The following RSPRY1 variants were observed in gnomAD, a reference collection of about 807,000 sequenced individuals.
The protein encoded by RSPRY1 is RING finger and SPRY domain-containing protein 1.
Under a neutral mutation model 73.1 loss-of-function variants are expected in RSPRY1, and 23 were observed. The ratio of observed to expected loss-of-function variants is 0.31; its 90% CI spans 0.23 to 0.45. The LOEUF is 0.45. Among genes scored for constraint, RSPRY1 ranks in the 20% least tolerant of loss-of-function variants. RSPRY1 has a pLI of 1.00. For synonymous variants in RSPRY1, 226 were observed against 251.4 expected (o/e 0.90, Z 0.95); for missense variants, 448 against 698.7 (o/e 0.64, Z 4.05).
chr16:57,200,821 G>A (rs554538603), intron 1 of RSPRY1, among the ~76,000 whole-genome samples: 3 of 144,912 alleles, frequency 2.1e-5, no homozygotes, highest in South Asian at 2.2e-4. Flanking sequence ...CGGACGGGGC[G>A]GCTGGCTGGG....
chr16:57,224,021 C>T (rs1287365661), intron 10 of RSPRY1, among the ~76,000 whole-genome samples: 1 of 152,184 alleles, frequency 6.6e-6, no homozygotes, highest in Non-Finnish European at 1.5e-5. Flanking sequence ...AAGCATCTGC[C>T]TTCGAGAAAA....
intron 1 of RSPRY1, among the ~76,000 whole-genome samples, chr16:57,204,245 A>G (rs1337648719): frequency 1.3e-5 from 2 of 152,174 alleles, no homozygotes; most frequent in African/African-American, 4.8e-5. Flanking sequence ...TGTGGTTTTA[A>G]AAAAATCAAT....
In RSPRY1 at chr16:57,218,835, A is replaced by G. The variant is rs1394190659; in HGVS notation, c.901+1800A>G. Among the ~76,000 whole-genome samples the G allele has an allele frequency of 6.1e-5, 7 of 114,850 alleles. 1 individual carries two copies. In the Admixed American group the frequency reaches 7.1e-4, roughly 12 times the overall value. The allele number at this position is 114,850 out of a possible 152,430, so 75.3% of individuals were successfully genotyped here. A position where few individuals can be genotyped will look rare whatever the true frequency, so the allele number is the denominator to read the frequency against. On this transcript the variant is annotated intron_variant, in intron 8 of 14. Coordinates refer to ENST00000394420, the MANE Select transcript of RSPRY1 (RefSeq NM_133368.3). ...ACTGCAAGCTCTGCCTCCCGGGTTC[A>G]CGCCATTCTCCTGCCTCAGCCTCCC... is the stretch of plus-strand genomic sequence containing the variant.
Position 57,236,355 on chromosome 16 carries a change from A to T in RSPRY1, c.1634+1127A>T, listed in dbSNP as rs148168064. ...AACTAGGTATCTTAAGTATGATCAT[A>T]GTCTCCATAGTAGATATATATCCAA... On this transcript the variant is annotated intron_variant, in intron 14 of 14. Coordinates refer to ENST00000394420, the MANE Select transcript of RSPRY1 (RefSeq NM_133368.3). Among the ~76,000 whole-genome samples the T allele has an allele frequency of 2.7e-3, 410 of 152,352 alleles. 2 individuals carry two copies. Among genetic ancestry groups the T allele is most frequent in the African/African-American group, 9.2e-3 (381 of 41,576 alleles).
intron 1 of RSPRY1, among the ~76,000 whole-genome samples, chr16:57,188,990 CTTTTTTTTTT>C (rs111782511): frequency 8.2e-6 from 1 of 121,478 alleles, no homozygotes; most frequent in African/African-American, 3.1e-5. Context: ...TACTCAGTGA[CTTTTTTTTTT>C]TTTTTTTTTT....
intron 14 of RSPRY1, among the ~76,000 whole-genome samples, chr16:57,236,507 T>G (rs970446170): frequency 3.3e-5 from 5 of 151,200 alleles, no homozygotes; most frequent in Non-Finnish European, 3.0e-5. Flanking sequence ...ATTACAAGAG[T>G]CAATCCCCAG....
At chr16:57,221,460 G>T in intron 10 of RSPRY1, 45 bp downstream of exon 10, 2 of 1,551,956 alleles carry the variant, frequency 1.3e-6, no homozygotes, top group Non-Finnish European at 1.7e-6. Flanking sequence ...GTGGCAGTTT[G>T]CTTTTTCCCC....
chr16:57,208,398 A>ATTTT (rs1168128064), intron 3 of RSPRY1, among the ~76,000 whole-genome samples: 3 of 17,232 alleles, frequency 1.7e-4, no homozygotes, highest in African/African-American at 3.0e-4. Context: ...ATATATATAT[A>ATTTT]TATTTTTTTT....
intron 1 of RSPRY1, among the ~76,000 whole-genome samples, chr16:57,188,434 T>C (rs1361558919): frequency 1.3e-5 from 2 of 152,350 alleles, no homozygotes; most frequent in Non-Finnish European, 2.9e-5. Context: ...TGGTTCGTCG[T>C]ACTTGTTAGA....
chr16:57,207,791 T>A, intron 2 of RSPRY1: 1 of 522,460 alleles, frequency 1.9e-6, no homozygotes, highest in Non-Finnish European at 3.7e-6. Flanking sequence ...ACTCCTGTGC[T>A]TTTACCCCAG....
chr16:57,187,201 A>G (rs572100136), intron 1 of RSPRY1, among the ~76,000 whole-genome samples: 75 of 152,112 alleles, frequency 4.9e-4, no homozygotes, highest in Non-Finnish European at 7.8e-4. Flanking sequence ...ACAGGATCCA[A>G]CTGCTTCCGG....
intron 11 of RSPRY1, among the ~76,000 whole-genome samples, chr16:57,230,005 C>CT (rs544045998): frequency 0.33 from 14,675 of 44,956 alleles, 3,482 homozygotes; most frequent in South Asian, 0.56. Flanking sequence ...ACGCCCTGCC[C>CT]TTTTTTTTTT....
intron 10 of RSPRY1, among the ~76,000 whole-genome samples, chr16:57,222,996 T>A (rs2075063765): frequency 6.6e-6 from 1 of 152,250 alleles, no homozygotes; most frequent in South Asian, 2.1e-4. Flanking sequence ...TAAATACTGT[T>A]TTTTTATCCT....
chr16:57,230,689 A>G (rs1201912931), intron 11 of RSPRY1, 22 bp from the exon 12 acceptor site: 2 of 1,304,962 alleles, frequency 1.5e-6, no homozygotes, highest in Non-Finnish European at 2.2e-6. Flanking sequence ...TTATCCTAAC[A>G]GTGTTTCTCT....
At chr16:57,235,280 T>A (rs1825178888) in intron 14 of RSPRY1, 52 bp downstream of exon 14, 3 of 1,281,980 alleles carry the variant, frequency 2.3e-6, no homozygotes, top group Non-Finnish European at 2.3e-6. Context: ...AATTGCTAGT[T>A]CCATGGCTGT....
In RSPRY1 at chr16:57,235,091, CAA is replaced by C. The variant is rs57550982; in HGVS notation, c.1530-30_1530-29del. The C allele has an allele frequency of 8.2e-4, 1,253 of 1,526,718 alleles. 12 individuals are homozygous for C. The African/African-American group carries it at 0.015, about 19-fold the overall frequency. 94.6% of individuals were successfully genotyped at this position (1,526,718 alleles called of 1,614,324 possible). ...TCACTGCTAACAGGACCCCTGTTGA[CAA>C]AATGTATTTCAAATTGCTTTTTCTA... On this transcript the variant is annotated intron_variant, in intron 13 of 14. Transcript: ENST00000394420.
chr16:57,228,309 G>T (rs555520135), intron 11 of RSPRY1, among the ~76,000 whole-genome samples: 2 of 147,952 alleles, frequency 1.4e-5, no homozygotes, highest in East Asian at 3.9e-4. Flanking sequence ...GCAGGAATTT[G>T]CCCACCCCCA....
rs2075031166 is a variant in RSPRY1, at chr16:57,221,282, A to G, written c.1028A>G (p.Asp343Gly). 6.2e-7 allele frequency: 1 copy of G among 1,613,976 alleles called. No homozygotes were observed. Residue 343 changes from aspartate to glycine, a missense_variant, in exon 10 of 15, where the codon GAT (aspartate) becomes GGT (glycine). Asp to Gly is a moderately conservative substitution (Grantham distance 94). Transcript: ENST00000394420. ...ISPHGLEARC[D>G]ASSFESVRCT... ...TTTTGGTTTTGCCAGGCTCGCTGTG[A>G]TGCCTCCTCTTTTGAAAGTGTGCGT...
chr16:57,213,322 T>C (rs2074879876), intron 5 of RSPRY1, among the ~76,000 whole-genome samples: 1 of 152,168 alleles, frequency 6.6e-6, no homozygotes, highest in Non-Finnish European at 1.5e-5. Flanking sequence ...AAGAAAAAAG[T>C]TGTGCTTATT....
Sources: allele counts gnomAD v4.1 joint callset (sites outside exome capture counted in the v4.1 genomes callset), GRCh38; gene constraint gnomAD v4.1.1; transcripts MANE v1.5; gene names NCBI Gene and HGNC (gene_info 2026-07-23, HGNC 2026-07-21).